Variants in KHDRBS2 observed in about 807,000 individuals in gnomAD.
KHDRBS2 encodes the protein KH domain-containing, RNA-binding, signal transduction-associated protein 2.
Under a neutral mutation model 44.3 loss-of-function variants are expected in KHDRBS2, and 26 were observed. The observed-to-expected ratio is 0.59, with a 90% CI of 0.43 to 0.81. The LOEUF (loss-of-function observed/expected upper bound fraction) is 0.81, where lower values mean the gene tolerates loss of function less well. KHDRBS2 is among the 40% of genes least tolerant of loss of function. The probability of loss-of-function intolerance (pLI) is 0.00; values close to 1 mark genes in which losing one functional copy is unlikely to be tolerated. For synonymous variants in KHDRBS2, 194 were observed against 151.1 expected (o/e 1.28, Z -2.08); for missense variants, 476 against 433.1 (o/e 1.10, Z -0.88).
At chr6:61,623,912 C>T in the KHDRBS2 span, among the ~76,000 whole-genome samples, 1 of 152,132 alleles carries the variant, frequency 6.6e-6, no homozygotes, top group African/African-American at 2.4e-5. Flanking sequence ...GAAACTTTTC[C>T]TAATGGGTAG....
chr6:61,878,541 G>T (rs1251867014), intron 6 of KHDRBS2, among the ~76,000 whole-genome samples: 1 of 151,990 alleles, frequency 6.6e-6, no homozygotes, highest in Non-Finnish European at 1.5e-5. Context: ...GAGCTAGACC[G>T]CTGGTTTTGA....
chr6:61,863,105 G>A (rs1227822619), intron 6 of KHDRBS2, among the ~76,000 whole-genome samples: 2 of 151,900 alleles, frequency 1.3e-5, no homozygotes, highest in African/African-American at 2.4e-5. Context: ...ATGGTTGTTT[G>A]CATTCCTATG....
chr6:61,544,555 G>A, the KHDRBS2 span, among the ~76,000 whole-genome samples: 1 of 152,114 alleles, frequency 6.6e-6, no homozygotes, highest in African/African-American at 2.4e-5. Flanking sequence ...TTTAACTGGG[G>A]AAAGTGGTAG....
the KHDRBS2 span, among the ~76,000 whole-genome samples, chr6:61,608,519 A>G: frequency 3.3e-5 from 5 of 152,022 alleles, no homozygotes; most frequent in African/African-American, 1.2e-4. Context: ...TACAGGTGCC[A>G]TGGTGGTTTG....
In KHDRBS2 at chr6:61,791,083, G is replaced by A. The variant is rs187516159; in HGVS notation, c.811-58319C>T. On this transcript the variant is annotated intron_variant, in intron 6 of 8. Transcript: ENST00000281156. The stretch of plus-strand genomic sequence containing the variant: ...CTTATAATATATTCATTATTTTAAT[G>A]TCCATAGTTTGATCTCCTTAGCAAA... Among the ~76,000 whole-genome samples the A allele has an allele frequency of 2.3e-3, 347 of 151,282 alleles. 2 individuals carry two copies. Among genetic ancestry groups the A allele is most frequent in the African/African-American group, 8.1e-3 (337 of 41,410 alleles).
intron 2 of KHDRBS2, among the ~76,000 whole-genome samples, chr6:62,065,338 G>A (rs1793336290): frequency 1.3e-5 from 2 of 151,892 alleles, no homozygotes; most frequent in African/African-American, 2.4e-5. Context: ...GCACATGTAT[G>A]TTTATTGCGG....
intron 2 of KHDRBS2, among the ~76,000 whole-genome samples, chr6:62,171,535 C>T (rs777267378): frequency 6.6e-6 from 1 of 152,122 alleles, no homozygotes; most frequent in Non-Finnish European, 1.5e-5. Flanking sequence ...GCAACAATGT[C>T]CCCAACCTTG....
chr6:62,107,205 G>C (rs1003428051), intron 2 of KHDRBS2, among the ~76,000 whole-genome samples: 2 of 152,002 alleles, frequency 1.3e-5, no homozygotes, highest in African/African-American at 2.4e-5. Context: ...CATTGTCTCA[G>C]CCCAAAATCT....
At chr6:61,930,243 G>A (rs1303760432) in intron 4 of KHDRBS2, among the ~76,000 whole-genome samples, 1 of 152,050 alleles carries the variant, frequency 6.6e-6, no homozygotes, top group Non-Finnish European at 1.5e-5. Flanking sequence ...CCAGGACAAT[G>A]AGAAATAAAT....
chr6:61,955,656 A>T (rs1389099530), intron 4 of KHDRBS2, among the ~76,000 whole-genome samples: 1 of 148,334 alleles, frequency 6.7e-6, no homozygotes, highest in African/African-American at 2.5e-5. Context: ...GTATGTATGC[A>T]TATATGTGTA....
At chr6:62,242,101 A>T (rs1469001511) in intron 1 of KHDRBS2, among the ~76,000 whole-genome samples, 2 of 152,182 alleles carry the variant, frequency 1.3e-5, no homozygotes, top group Admixed American at 6.6e-5. Context: ...GGTATTTAGC[A>T]TCATATTATT....
intron 4 of KHDRBS2, among the ~76,000 whole-genome samples, chr6:61,928,961 T>A (rs1809493782): frequency 6.6e-6 from 1 of 152,146 alleles, no homozygotes; most frequent in Admixed American, 6.5e-5. Flanking sequence ...TCTTTGGTAG[T>A]GAAATTTGAA....
chr6:61,770,095 G>A (rs1442573739), intron 6 of KHDRBS2, among the ~76,000 whole-genome samples: 1 of 152,164 alleles, frequency 6.6e-6, no homozygotes, highest in Non-Finnish European at 1.5e-5. Context: ...TGGACCTCTG[G>A]CAAACTCCAA....
At chr6:62,268,019 C>A (rs1839481812) in intron 1 of KHDRBS2, among the ~76,000 whole-genome samples, 2 of 151,926 alleles carry the variant, frequency 1.3e-5, no homozygotes, top group South Asian at 4.1e-4. Context: ...AAGTATTTTT[C>A]TTTTCTCATA....
intron 2 of KHDRBS2, among the ~76,000 whole-genome samples, chr6:62,153,558 T>A (rs1184631810): frequency 6.6e-6 from 1 of 152,188 alleles, no homozygotes; most frequent in East Asian, 1.9e-4. Flanking sequence ...AGTATGGATT[T>A]AAAACTAAAT....
At chr6:62,071,197 T>C (rs1218744186) in intron 2 of KHDRBS2, among the ~76,000 whole-genome samples, 1 of 152,194 alleles carries the variant, frequency 6.6e-6, no homozygotes, top group African/African-American at 2.4e-5. Context: ...GTTTGTTTTT[T>C]TCTTGTAAAT....
At chr6:62,114,929 G>GT (rs1805856788) in intron 2 of KHDRBS2, among the ~76,000 whole-genome samples, 2 of 151,934 alleles carry the variant, frequency 1.3e-5, no homozygotes, top group South Asian at 4.1e-4. Flanking sequence ...AGAAAACATG[G>GT]TATTTAATAT....
At position 62,283,831 on chromosome 6, in the gene KHDRBS2, T is replaced by C. The variant is rs150396058; in HGVS notation, c.91+2027A>G. On this transcript the variant is annotated intron_variant, in intron 1 of 8. Transcript: ENST00000281156. ...GAGCCCCAGGTACAGAGAGCTAATATAAAACCTATGCACCCTTTTGCATAA... is the reference window on the plus strand; with the variant it reads ...GAGCCCCAGGTACAGAGAGCTAATACAAAACCTATGCACCCTTTTGCATAA... 1.0e-3 allele frequency among the ~76,000 whole-genome samples: 157 copies of C among 152,236 alleles called. 1 individual carries two copies. The highest frequency in any genetic ancestry group is 3.5e-3 in the African/African-American group (147 of 41,558).
At chr6:62,191,428 ATGAC>A (rs1824589089) in intron 1 of KHDRBS2, among the ~76,000 whole-genome samples, 1 of 152,056 alleles carries the variant, frequency 6.6e-6, no homozygotes, top group Non-Finnish European at 1.5e-5. Context: ...CTCATTTTGC[ATGAC>A]TGCCCCATCC....
Sources: gnomAD v4.1 joint callset for allele counts (sites outside exome capture counted in the v4.1 genomes callset) on GRCh38, gnomAD v4.1.1 for gene constraint, MANE v1.5 for transcripts, NCBI Gene and HGNC (gene_info 2026-07-23, HGNC 2026-07-21) for gene names.